The following DNAH14 variants were observed in gnomAD, a reference collection of about 807,000 sequenced individuals.
DNAH14 encodes the protein dynein axonemal heavy chain 14.
A neutral mutation model predicts 520.9 loss-of-function variants in DNAH14; 478 were observed. The observed-to-expected ratio is 0.92, with a 90% CI of 0.85 to 0.99. The LOEUF (loss-of-function observed/expected upper bound fraction) is 0.99, where lower values mean the gene tolerates loss of function less well. Ranked by LOEUF, DNAH14 falls within the 50% of genes least tolerant of loss-of-function variation. DNAH14 has a pLI of 0.00. For synonymous variants in DNAH14, 1,581 were observed against 1,757.2 expected (o/e 0.90, Z 2.51); for missense variants, 4,831 against 5,234.5 (o/e 0.92, Z 2.38).
intron 54 of DNAH14, among the ~76,000 whole-genome samples, chr1:225,289,169 TG>T (rs1453662514): frequency 6.6e-6 from 1 of 152,154 alleles, no homozygotes; most frequent in Non-Finnish European, 1.5e-5. Context: ...GAACTTATTA[TG>T]CTAAGTAAAA....
chr1:225,229,765 CAG>C (rs900035323), intron 41 of DNAH14, among the ~76,000 whole-genome samples: 12 of 150,544 alleles, frequency 8.0e-5, no homozygotes, highest in African/African-American at 2.4e-4. Flanking sequence ...TGGGGCCTGT[CAG>C]GGGTGGGGGT....
chr1:225,284,439 C>T (rs1044862329), intron 54 of DNAH14, among the ~76,000 whole-genome samples: 1 of 151,930 alleles, frequency 6.6e-6, no homozygotes, highest in African/African-American at 2.4e-5. Flanking sequence ...ATTACTGAAA[C>T]TGAAGAATTA....
At chr1:225,175,833 C>A (rs59493468) in intron 36 of DNAH14, among the ~76,000 whole-genome samples, 19,310 of 151,110 alleles carry the variant, frequency 0.13, 1,365 homozygotes, top group East Asian at 0.31. Flanking sequence ...TATTTTCCTG[C>A]ACAAGCTCTG....
chr1:225,259,079 T>A, intron 45 of DNAH14, 42 bp from the exon 46 acceptor site: 1 of 1,486,200 alleles, frequency 6.7e-7, no homozygotes, highest in Non-Finnish European at 8.9e-7. Flanking sequence ...CATGTATCAT[T>A]TTCTTGCATA....
At chr1:225,190,289 A>G (rs2085263284) in intron 37 of DNAH14, among the ~76,000 whole-genome samples, 1 of 152,080 alleles carries the variant, frequency 6.6e-6, no homozygotes, top group African/African-American at 2.4e-5. Flanking sequence ...TCTATCTCTC[A>G]AAATATCTTA....
At chr1:225,170,795 C>T (rs1180552077) in intron 36 of DNAH14, among the ~76,000 whole-genome samples, 1 of 152,300 alleles carries the variant, frequency 6.6e-6, no homozygotes, top group Admixed American at 6.5e-5. Flanking sequence ...AAACCCTCCA[C>T]CCCAAATCAA....
chr1:224,929,998 C>T (rs1186856320), intron 1 of DNAH14, among the ~76,000 whole-genome samples, 163 bp downstream of exon 1: 2 of 152,150 alleles, frequency 1.3e-5, no homozygotes, highest in African/African-American at 4.8e-5. Context: ...CGCGCGGAAC[C>T]CTCACCAGGC....
intron 8 of DNAH14, among the ~76,000 whole-genome samples, chr1:224,986,591 A>G (rs190730154): frequency 1.3e-5 from 2 of 152,320 alleles, no homozygotes; most frequent in African/African-American, 4.8e-5. Context: ...GATCATTTCA[A>G]TGGATGCTGA....
intron 55 of DNAH14, among the ~76,000 whole-genome samples, chr1:225,294,308 TC>T (rs1242246026): frequency 2.0e-5 from 3 of 152,172 alleles, no homozygotes; most frequent in African/African-American, 7.2e-5. Context: ...TGGTGTATTA[TC>T]TTTTTGATGT....
chr1:225,139,651 C>T (rs1005454471), intron 27 of DNAH14, among the ~76,000 whole-genome samples: 2 of 152,156 alleles, frequency 1.3e-5, no homozygotes, highest in Non-Finnish European at 2.9e-5. Context: ...AAATAACAAA[C>T]AGTAATTAAA....
intron 69 of DNAH14, among the ~76,000 whole-genome samples, chr1:225,341,207 C>T (rs2095172247): frequency 1.3e-5 from 2 of 152,160 alleles, no homozygotes; most frequent in South Asian, 4.1e-4. Flanking sequence ...TGGATTCCAG[C>T]AATTCTCCAG....
At chr1:225,140,710 G>A (rs747106446) in intron 27 of DNAH14, 58 bp from the exon 28 acceptor site, 2 of 1,228,426 alleles carry the variant, frequency 1.6e-6, no homozygotes, top group South Asian at 3.4e-5. Context: ...TAAAATTTAT[G>A]CTTCAATTAT....
At chr1:225,131,037 T>A (rs541268532) in intron 27 of DNAH14, among the ~76,000 whole-genome samples, 1 of 152,284 alleles carries the variant, frequency 6.6e-6, no homozygotes, top group East Asian at 1.9e-4. Flanking sequence ...TATAGATTCA[T>A]GGCAAATATA....
chr1:225,105,697 TA>T (rs1428441424), intron 23 of DNAH14, among the ~76,000 whole-genome samples: 6 of 152,150 alleles, frequency 3.9e-5, no homozygotes, highest in African/African-American at 1.4e-4. Context: ...TATCAGAGAC[TA>T]AGATTGCAAC....
chr1:225,330,875 T>C (rs1317219736), intron 64 of DNAH14, among the ~76,000 whole-genome samples: 1 of 152,210 alleles, frequency 6.6e-6, no homozygotes, highest in Non-Finnish European at 1.5e-5. Context: ...ATGTGATGAT[T>C]ACACATTGCA....
chr1:225,311,908 G>C (rs2094374507), intron 60 of DNAH14, among the ~76,000 whole-genome samples: 1 of 152,078 alleles, frequency 6.6e-6, no homozygotes, highest in African/African-American at 2.4e-5. Flanking sequence ...TTTTTGCTTA[G>C]GATTGTCTTG....
At chr1:225,206,230 T>G in intron 40 of DNAH14, 51 bp downstream of exon 40, 1 of 1,417,686 alleles carries the variant, frequency 7.1e-7, no homozygotes. Context: ...TTGTTTATGA[T>G]AGTAACTATT....
chr1:225,204,686 C>T (rs1195895436), intron 39 of DNAH14, among the ~76,000 whole-genome samples: 2 of 152,178 alleles, frequency 1.3e-5, no homozygotes, highest in African/African-American at 2.4e-5. Context: ...AACTGCACAC[C>T]TGTAATATGC....
At position 225,335,969 on chromosome 1, in the gene DNAH14, A is replaced by G. The variant is rs909542375; in HGVS notation, c.10081-1297A>G. Among the ~76,000 whole-genome samples, 16 of 146,546 alleles carry G rather than the reference A, an allele frequency of 1.1e-4. No individual in the cohort carries two copies. In the East Asian group the frequency reaches 1.2e-3, roughly 11 times the overall value. ...TATGTATATATACACATATACATATATGTACATATGTGTATATACACACAT... is the reference window on the plus strand; with the variant it reads ...TATGTATATATACACATATACATATGTGTACATATGTGTATATACACACAT... On this transcript the variant is annotated intron_variant, in intron 66 of 85. Coordinates refer to ENST00000682510, the MANE Select transcript of DNAH14 (RefSeq NM_001367479.1).
Sources: gnomAD v4.1 joint callset for allele counts (sites outside exome capture counted in the v4.1 genomes callset) on GRCh38, gnomAD v4.1.1 for gene constraint, MANE v1.5 for transcripts, NCBI Gene and HGNC (gene_info 2026-07-23, HGNC 2026-07-21) for gene names.